SCAF11: variants seen among roughly 807,000 people sequenced by gnomAD.
SCAF11 encodes SR-related CTD associated factor 11.
Under a neutral mutation model 140.5 loss-of-function variants are expected in SCAF11, and 47 were observed. The observed-to-expected ratio is 0.33, with a 90% CI of 0.26 to 0.43. The LOEUF is 0.43. SCAF11 is among the 20% of genes least tolerant of loss of function. The pLI is 1.00. For missense variants in SCAF11, 1,645 were observed against 1,705.1 expected (o/e 0.96, Z 0.62); for synonymous variants, 557 against 579.4 (o/e 0.96, Z 0.55).
chr12:45,970,698 T>G (rs1946052721), intron 1 of SCAF11, among the ~76,000 whole-genome samples: 1 of 152,242 alleles, frequency 6.6e-6, no homozygotes, highest in Admixed American at 6.5e-5. Context: ...TGTGGACCTA[T>G]GTTAAGAAAA....
intron 1 of SCAF11, among the ~76,000 whole-genome samples, chr12:45,971,319 G>T (rs1047339384): frequency 2.0e-5 from 3 of 152,180 alleles, no homozygotes; most frequent in African/African-American, 7.2e-5. Flanking sequence ...TATATCAAAA[G>T]TGAGATCAAG....
rs536656500 is a variant in SCAF11 at position 45,921,430 on chromosome 12, T to G, written c.*618A>C. On this transcript the variant is annotated 3_prime_UTR_variant, in exon 15 of 15. Coordinates refer to ENST00000369367, the MANE Select transcript of SCAF11 (RefSeq NM_004719.3). Reference sequence around the variant, plus strand: ...GAAAAACAAGCAGCATAACCTTTATTTGGTCATACAATAGGTGAAGAGTGT... The same window carrying G: ...GAAAAACAAGCAGCATAACCTTTATGTGGTCATACAATAGGTGAAGAGTGT... The G allele has an allele frequency of 6.5e-6, 1 of 152,736 alleles. No individual in the cohort carries two copies. The highest frequency in any genetic ancestry group is 6.5e-5 in the Admixed American group (1 of 15,294). The allele number at this position is 152,736 out of a possible 1,614,324, so 9.5% of individuals were successfully genotyped here.
chr12:45,932,000 C>T (rs1218682010), intron 9 of SCAF11, among the ~76,000 whole-genome samples: 1 of 152,002 alleles, frequency 6.6e-6, no homozygotes, highest in Non-Finnish European at 1.5e-5. Flanking sequence ...AAAATGCAGA[C>T]TTTAAGCGTA....
chr12:45,990,108 C>T (rs1565699828), intron 1 of SCAF11, among the ~76,000 whole-genome samples: 1 of 151,990 alleles, frequency 6.6e-6, no homozygotes, highest in Non-Finnish European at 1.5e-5. Flanking sequence ...AGGGCCGGGC[C>T]GAGCCTCCCT....
rs941083420 is a variant in SCAF11, at chr12:45,920,289, G to T, written c.*1759C>A. 1 of 152,090 alleles carries T rather than the reference G, an allele frequency of 6.6e-6. No individual in the cohort carries two copies. Among genetic ancestry groups the T allele is most frequent in the African/African-American group, 2.4e-5 (1 of 41,412 alleles). The allele number at this position is 152,090 out of a possible 1,614,324, so 9.4% of individuals were successfully genotyped here. On this transcript the variant is annotated 3_prime_UTR_variant, in exon 15 of 15. Transcript: ENST00000369367. ...TTTTGCCTATCAAAGCTAGCACCAG[G>T]AAAAGTATTATGCACATAAAATTGA...
chr12:45,939,515 G>A (rs1488115707), intron 6 of SCAF11, among the ~76,000 whole-genome samples: 1 of 152,120 alleles, frequency 6.6e-6, no homozygotes, highest in Non-Finnish European at 1.5e-5. Flanking sequence ...GACCAACATG[G>A]TGAAATTCCC....
At chr12:45,953,308 TC>T (rs1039101946) in intron 3 of SCAF11, among the ~76,000 whole-genome samples, 30 of 152,348 alleles carry the variant, frequency 2.0e-4, no homozygotes, top group African/African-American at 6.5e-4. Context: ...TTGCTGTTTA[TC>T]CCAGTGGCAT....
chr12:45,964,319 G>T (rs1043607891), intron 1 of SCAF11, 131 bp from the exon 2 acceptor site: 3 of 571,124 alleles, frequency 5.3e-6, no homozygotes, highest in African/African-American at 3.8e-5. Context: ...CCAGTTTGTG[G>T]ATAATCCAGT....
intron 5 of SCAF11, 52 bp downstream of exon 5, chr12:45,948,385 G>T: frequency 8.4e-7 from 1 of 1,184,608 alleles, no homozygotes; most frequent in Non-Finnish European, 1.2e-6. Flanking sequence ...TTTTGTACTA[G>T]TTAACTTCTG....
chr12:45,955,007 A>G (rs1945651478), intron 3 of SCAF11: 1 of 151,862 alleles, frequency 6.6e-6, no homozygotes, highest in Non-Finnish European at 1.5e-5. Flanking sequence ...CTCCACTGGT[A>G]TTACAAAAAC....
At chr12:45,987,742 T>C (rs1204875961) in intron 1 of SCAF11, among the ~76,000 whole-genome samples, 3 of 152,162 alleles carry the variant, frequency 2.0e-5, no homozygotes, top group Non-Finnish European at 2.9e-5. Flanking sequence ...GAGTATGGAA[T>C]TTACTATGAC....
At chr12:45,929,240 C>T (rs1170771466) in intron 10 of SCAF11, 1 of 154,852 alleles carries the variant, frequency 6.5e-6, no homozygotes, top group Non-Finnish European at 1.4e-5. Context: ...GCACAGAAGC[C>T]TCAACCTCCC....
intron 6 of SCAF11, among the ~76,000 whole-genome samples, chr12:45,943,837 C>A (rs1235786688): frequency 1.3e-5 from 2 of 152,144 alleles, no homozygotes; most frequent in East Asian, 3.8e-4. Context: ...ATAATGCTAA[C>A]CTTCTGGCAG....
At position 45,928,312 on chromosome 12, in the gene SCAF11, A is replaced by G. The variant is rs1483070138; in HGVS notation, c.1389T>C (p.Asn463=). 1 of 1,613,854 alleles carries G rather than the reference A, an allele frequency of 6.2e-7. No individual in the cohort carries two copies. Residue 463 remains asparagine, a synonymous_variant, in exon 11 of 15, where the codon AAT becomes AAC. Coordinates refer to ENST00000369367, the MANE Select transcript of SCAF11 (RefSeq NM_004719.3). ...ATCCTACTCTTTCCTCTGTATCATA[A>G]TTTGCAGTATGCTTCTCACTTTCTT... ...QIEESEKHTA[N]YDTEERVGSS... is the part of the protein sequence containing the mutation.
rs1450983358 is a variant in SCAF11 at position 45,928,652 on chromosome 12, C to G, written c.1049G>C (p.Gly350Ala). Residue 350 changes from glycine to alanine, a missense_variant, in exon 11 of 15, where the codon GGT (glycine) becomes GCT (alanine). Gly to Ala is a moderately conservative substitution (Grantham distance 60). This residue lies in a region of SCAF11 where 1,582 missense variants were observed against 1,609.2 expected (regional missense o/e 0.98). Transcript: ENST00000369367. The stretch of plus-strand genomic sequence containing the variant: ...AACACTTAAAGATGGATTACTGTTA[C>G]CTGGGGCATCACACCCAGAATTGTC... Reference protein sequence around the residue: ...ISDNSGCDAPGNSNPSLSVPS... With the variant: ...ISDNSGCDAPANSNPSLSVPS... 1.2e-6 allele frequency: 2 copies of G among 1,613,914 alleles called. No homozygotes were observed. Among genetic ancestry groups the G allele is most frequent in the Middle Eastern group, 1.6e-4 (1 of 6,084 alleles).
intron 13 of SCAF11, 69 bp from the exon 14 acceptor site, chr12:45,922,651 A>T: frequency 7.0e-7 from 1 of 1,429,210 alleles, no homozygotes; most frequent in East Asian, 2.3e-5. Flanking sequence ...CCAAACAAGA[A>T]ATTGAAAATA....
At chr12:45,936,669 AAT>A (rs140357238) in intron 6 of SCAF11, among the ~76,000 whole-genome samples, 3,335 of 152,308 alleles carry the variant, frequency 0.022, 58 homozygotes, top group Non-Finnish European at 0.034. Flanking sequence ...GCTGCTGTTC[AAT>A]AGTCATTTTG....
rs1945457554 is a variant in SCAF11 at position 45,947,734 on chromosome 12, T to C, written c.398+703A>G. Among the ~76,000 whole-genome samples, 3 of 152,236 alleles carry C rather than the reference T, an allele frequency of 2.0e-5. No homozygotes were observed. The South Asian group carries it at 6.2e-4, about 31-fold the overall frequency. On this transcript the variant is annotated intron_variant, in intron 5 of 14. Coordinates refer to ENST00000369367, the MANE Select transcript of SCAF11 (RefSeq NM_004719.3). ...CTCTGTTGCTCAGGCTGGAATGCAC[T>C]GGTGTGATCATAGCTCACTGCAGCC...
At chr12:45,956,095 C>G (rs897781800) in intron 3 of SCAF11, 1 of 715,078 alleles carries the variant, frequency 1.4e-6, no homozygotes, top group Non-Finnish European at 2.6e-6. Flanking sequence ...GAACAAGAAA[C>G]CTTCCTTATT....
Sources: allele counts gnomAD v4.1 joint callset (sites outside exome capture counted in the v4.1 genomes callset), GRCh38; gene constraint gnomAD v4.1.1; regional missense constraint gnomAD v4.1.1; transcripts MANE v1.5; gene names NCBI Gene and HGNC (gene_info 2026-07-23, HGNC 2026-07-21).